VPS37A: variants seen among roughly 807,000 people sequenced by gnomAD.
VPS37A encodes the protein vacuolar protein sorting-associated protein 37A.
In VPS37A, 30 loss-of-function variants were observed where a neutral mutation model predicts 49.8. The observed-to-expected ratio is 0.60, with a 90% CI of 0.45 to 0.82. The LOEUF (loss-of-function observed/expected upper bound fraction) is 0.82. Among genes scored for constraint, VPS37A ranks in the 40% least tolerant of loss-of-function variants. VPS37A has a pLI of 0.00. For synonymous variants in VPS37A, 195 were observed against 160.6 expected (o/e 1.21, Z -1.62); for missense variants, 593 against 464.4 (o/e 1.28, Z -2.55).
intron 11 of VPS37A, among the ~76,000 whole-genome samples, chr8:17,294,332 T>G (rs1315693282): frequency 6.6e-6 from 1 of 152,158 alleles, no homozygotes; most frequent in Non-Finnish European, 1.5e-5. Context: ...CAGGTCGACC[T>G]CAGACTGCTA....
intron 1 of VPS37A, among the ~76,000 whole-genome samples, chr8:17,255,236 T>G (rs994428409): frequency 6.6e-6 from 1 of 152,068 alleles, no homozygotes; most frequent in Non-Finnish European, 1.5e-5. Flanking sequence ...ATCCCAGCAC[T>G]TTGGGAGGCT....
At chr8:17,321,740 CAT>C in the VPS37A span, among the ~76,000 whole-genome samples, 1 of 152,168 alleles carries the variant, frequency 6.6e-6, no homozygotes, top group Non-Finnish European at 1.5e-5. Flanking sequence ...ACATCAGAGA[CAT>C]ATGCCACAAA....
At chr8:17,260,896 C>A (rs558345836) in intron 1 of VPS37A, among the ~76,000 whole-genome samples, 1 of 152,138 alleles carries the variant, frequency 6.6e-6, no homozygotes, top group African/African-American at 2.4e-5. Flanking sequence ...ATTTTAGGAT[C>A]CTCTCTTTGT....
chr8:17,293,559 C>A (rs897241130), intron 11 of VPS37A, among the ~76,000 whole-genome samples: 2 of 152,082 alleles, frequency 1.3e-5, no homozygotes, highest in African/African-American at 2.4e-5. Context: ...GAATTTTCAG[C>A]CTTTTTGCAC....
downstream of VPS37A, chr8:17,302,079 T>C (rs1817153952): frequency 6.3e-7 from 1 of 1,583,220 alleles, no homozygotes; most frequent in African/African-American, 1.3e-5. Context: ...CACTGAATCT[T>C]AAGAGGCTTT....
the VPS37A span, chr8:17,331,273 T>C: frequency 5.6e-6 from 9 of 1,606,488 alleles, no homozygotes; most frequent in East Asian, 2.2e-5. Context: ...CGATTTGCCA[T>C]TGCATTAAGC....
At chr8:17,310,557 A>G in the VPS37A span, among the ~76,000 whole-genome samples, 5 of 152,152 alleles carry the variant, frequency 3.3e-5, no homozygotes, top group South Asian at 2.1e-4. Flanking sequence ...TCCAAATGCA[A>G]ATGAAGCAAT....
chr8:17,251,878 T>C (rs1812012673), intron 1 of VPS37A, among the ~76,000 whole-genome samples: 1 of 152,204 alleles, frequency 6.6e-6, no homozygotes, highest in Non-Finnish European at 1.5e-5. Flanking sequence ...GAGTCAGCTC[T>C]TGTATAGTTC....
At chr8:17,284,095 G>C (rs1036759493) in intron 9 of VPS37A, among the ~76,000 whole-genome samples, 1 of 152,148 alleles carries the variant, frequency 6.6e-6, no homozygotes, top group Non-Finnish European at 1.5e-5. Context: ...TGAGTCGTCA[G>C]GTTCAGCCCA....
rs1816614820 is a variant in VPS37A at position 17,296,153 on chromosome 8, T to A, written c.*1167T>A. The A allele has an allele frequency of 6.6e-6, 1 of 152,252 alleles. No homozygotes were observed. The highest frequency in any genetic ancestry group is 6.5e-5 in the Admixed American group (1 of 15,284). 9.4% of individuals were successfully genotyped at this position (152,252 alleles called of 1,614,324 possible). ...GTATAGATTGTCTGTCTTTTTTATA[T>A]TTTTTAGTTCTTCCTGTACATGTTT... On this transcript the variant is annotated 3_prime_UTR_variant, in exon 12 of 12. Transcript: ENST00000324849.
the VPS37A span, among the ~76,000 whole-genome samples, chr8:17,330,411 G>A: frequency 6.6e-6 from 1 of 152,182 alleles, no homozygotes; most frequent in Non-Finnish European, 1.5e-5. Flanking sequence ...TTCCCAGTTC[G>A]CAGAGCCGGA....
the VPS37A span, among the ~76,000 whole-genome samples, chr8:17,321,136 A>G: frequency 6.6e-6 from 1 of 152,226 alleles, no homozygotes; most frequent in Non-Finnish European, 1.5e-5. Context: ...CCCAGGAACA[A>G]AAGATCCTTT....
Position 17,247,200 on chromosome 8 carries a change from C to T in VPS37A, c.-45C>T, listed in dbSNP as rs575675650. ...CGCCGGGCCGAGCCACTGGGAGAAG[C>T]AGGCCAGAGCCTTCCAGGGCCTCCG... is the stretch of plus-strand genomic sequence containing the variant. On this transcript the variant is annotated 5_prime_UTR_variant, in exon 1 of 12. Coordinates refer to ENST00000324849, the MANE Select transcript of VPS37A (RefSeq NM_152415.3). The T allele has an allele frequency of 6.4e-7, 1 of 1,556,536 alleles. No individual in the cohort carries two copies.
chr8:17,252,846 C>T lies in VPS37A; in HGVS notation c.125+5477C>T, dbSNP rs181317040. Among the ~76,000 whole-genome samples, 4 of 152,310 alleles carry T rather than the reference C, an allele frequency of 2.6e-5. No homozygotes were observed. In the East Asian group the frequency reaches 7.7e-4, roughly 29 times the overall value. On this transcript the variant is annotated intron_variant, in intron 1 of 11. Coordinates refer to ENST00000324849, the MANE Select transcript of VPS37A (RefSeq NM_152415.3). ...TACAAGCATCTGTTATGCCTTAGCC[C>T]ATTGAAGCTACAGAAATCTCCAAAA... is the stretch of plus-strand genomic sequence containing the variant.
rs1491548600 is a variant in VPS37A at position 17,297,866 on chromosome 8, A to ATGTT, written c.*2881_*2884dup. 1 of 152,080 alleles carries ATGTT rather than the reference A, an allele frequency of 6.6e-6. No homozygotes were observed. The highest frequency in any genetic ancestry group is 2.4e-5 in the African/African-American group (1 of 41,448). The allele number at this position is 152,080 out of a possible 1,614,324, so 9.4% of individuals were successfully genotyped here. A position where few individuals can be genotyped will look rare whatever the true frequency, so the allele number is the denominator to read the frequency against. On this transcript the variant is annotated 3_prime_UTR_variant, in exon 12 of 12. Coordinates refer to ENST00000324849, the MANE Select transcript of VPS37A (RefSeq NM_152415.3). ...GTTAACTTCTAATAAGCAGACGAAC[A>ATGTT]TGTTACATAAATTATAATGTCTGTC...
At chr8:17,259,419 A>G (rs1441703306) in intron 1 of VPS37A, among the ~76,000 whole-genome samples, 2 of 152,004 alleles carry the variant, frequency 1.3e-5, no homozygotes, top group Admixed American at 1.3e-4. Context: ...GTTTTATTGC[A>G]TTGTGGTCAG....
At chr8:17,300,420 G>T, downstream of VPS37A, 2 of 594,012 alleles carry the variant, frequency 3.4e-6, no homozygotes, top group South Asian at 4.6e-5. Context: ...CTAATGTAAG[G>T]ATAATACCTG....
At chr8:17,281,339 G>C (rs540020083) in intron 9 of VPS37A, among the ~76,000 whole-genome samples, 2 of 151,978 alleles carry the variant, frequency 1.3e-5, no homozygotes, top group Non-Finnish European at 2.9e-5. Flanking sequence ...AGAAACATTA[G>C]TTAGGAGTGT....
chr8:17,311,654 C>T, the VPS37A span: 17 of 1,613,896 alleles, frequency 1.1e-5, no homozygotes, highest in Admixed American at 5.0e-5. Flanking sequence ...ACACACGATC[C>T]GCAAAGAGTC....
Sources: allele counts gnomAD v4.1 joint callset (sites outside exome capture counted in the v4.1 genomes callset), GRCh38; gene constraint gnomAD v4.1.1; transcripts MANE v1.5; gene names NCBI Gene and HGNC (gene_info 2026-07-23, HGNC 2026-07-21).